ITGAE: variants seen among roughly 807,000 people sequenced by gnomAD.
ITGAE encodes the protein integrin alpha-E.
In ITGAE, 99 loss-of-function variants were observed where a neutral mutation model predicts 136.5. That is an observed-to-expected ratio of 0.73 (90% confidence interval 0.62 to 0.86). The LOEUF is 0.86. Among genes scored for constraint, ITGAE ranks in the 40% least tolerant of loss-of-function variants. The probability of loss-of-function intolerance (pLI) is 0.00; values close to 1 mark genes in which losing one functional copy is unlikely to be tolerated. For synonymous variants in ITGAE, 613 were observed against 591.8 expected (o/e 1.04, Z -0.52); for missense variants, 1,447 against 1,515.3 (o/e 0.95, Z 0.75).
rs569101162 is a variant in ITGAE, at chr17:3,728,368, CTTTTTTTT to C, written c.2913-208_2913-201del. ...CAGGCATGAGCCACTACACTCATCC[CTTTTTTTT>C]TTTTTTTTTTTTTTTGAGGTGGAGT... is the stretch of plus-strand genomic sequence containing the variant. On this transcript the variant is annotated intron_variant, in intron 24 of 30. Coordinates refer to ENST00000263087, the MANE Select transcript of ITGAE (RefSeq NM_002208.5). The C allele has an allele frequency of 5.6e-4, 107 of 191,598 alleles. No homozygotes were observed. In the East Asian group the frequency reaches 7.4e-3, roughly 13 times the overall value. 11.9% of individuals were successfully genotyped at this position (191,598 alleles called of 1,614,324 possible).
At chr17:3,728,394 G>A (rs963214016) in intron 24 of ITGAE, 23 of 300,362 alleles carry the variant, frequency 7.7e-5, no homozygotes, top group Non-Finnish European at 1.4e-4. Context: ...TTTTTTTTGA[G>A]GTGGAGTCTT....
chr17:3,736,636 G>C (rs1434100567), intron 20 of ITGAE, among the ~76,000 whole-genome samples: 1 of 152,212 alleles, frequency 6.6e-6, no homozygotes, highest in African/African-American at 2.4e-5. Context: ...CTGGGGATGT[G>C]TGAAAGGGTC....
At chr17:3,749,409 T>A (rs137899583) in intron 16 of ITGAE, among the ~76,000 whole-genome samples, 6 of 151,942 alleles carry the variant, frequency 3.9e-5, no homozygotes, top group African/African-American at 1.2e-4. Context: ...CCCGCCACCA[T>A]GCCCGGCTAA....
Position 3,762,995 on chromosome 17 carries a change from C to T in ITGAE, c.247+874G>A, listed in dbSNP as rs111775473. ...GTAACCTCCACCTCCTGGGTTCAAG[C>T]GATTCTTCTGCCTCAGCCTCCCAAA... is the stretch of plus-strand genomic sequence containing the variant. On this transcript the variant is annotated intron_variant, in intron 3 of 30. Transcript: ENST00000263087. Among the ~76,000 whole-genome samples, 1,294 of 151,788 alleles carry T rather than the reference C, an allele frequency of 8.5e-3. 14 individuals carry two copies. The highest frequency in any genetic ancestry group is 0.045 in the South Asian group (216 of 4,796).
At chr17:3,754,298 G>C (rs1408150117) in intron 12 of ITGAE, among the ~76,000 whole-genome samples, 1 of 152,080 alleles carries the variant, frequency 6.6e-6, no homozygotes, top group African/African-American at 2.4e-5. Context: ...TTGAGACAGA[G>C]TCTCAGTCTG....
At chr17:3,777,090 A>G (rs2052559993) in intron 2 of ITGAE, among the ~76,000 whole-genome samples, 2 of 151,582 alleles carry the variant, frequency 1.3e-5, no homozygotes, top group Admixed American at 1.3e-4. Context: ...CCTCCTGAGT[A>G]GCTGGGACTA....
chr17:3,750,280 A>G (rs1421762506), intron 16 of ITGAE, 72 bp downstream of exon 16: 4 of 1,577,824 alleles, frequency 2.5e-6, no homozygotes, highest in African/African-American at 1.3e-5. Context: ...TAATGTCTGC[A>G]TGGAGCTATT....
At chr17:3,731,932 C>T (rs1034721565) in intron 22 of ITGAE, among the ~76,000 whole-genome samples, 8 of 151,782 alleles carry the variant, frequency 5.3e-5, no homozygotes, top group African/African-American at 1.5e-4. Flanking sequence ...AAAAATTAGC[C>T]GGGTGTAGTG....
chr17:3,754,770 C>T (rs1249719353), intron 12 of ITGAE: 1 of 345,866 alleles, frequency 2.9e-6, no homozygotes, highest in Non-Finnish European at 5.5e-6. Flanking sequence ...ATCTCGGCCC[C>T]GCCCTCGCCC....
intron 12 of ITGAE, 36 bp from the exon 13 acceptor site, chr17:3,753,961 G>T: frequency 6.2e-7 from 1 of 1,602,934 alleles, no homozygotes; most frequent in Non-Finnish European, 8.5e-7. Flanking sequence ...AACACACCGT[G>T]TGCTCCCACC....
At chr17:3,722,479 TAAA>T (rs1161669258) in intron 28 of ITGAE, 10 of 106,864 alleles carry the variant, frequency 9.4e-5, no homozygotes, top group East Asian at 2.8e-4. Flanking sequence ...AGACTCCATC[TAAA>T]AAAAAAAAAA....
chr17:3,723,894 T>C (rs755409216), intron 26 of ITGAE, 150 bp from the exon 27 acceptor site: 2 of 1,527,316 alleles, frequency 1.3e-6, no homozygotes, highest in Non-Finnish European at 1.8e-6. Context: ...CGCACGGAAG[T>C]CTCGCGATGT....
At chr17:3,724,567 C>T in intron 26 of ITGAE, 1 of 1,614,186 alleles carries the variant, frequency 6.2e-7, no homozygotes, top group Non-Finnish European at 8.5e-7. Context: ...CCAGAAGTCT[C>T]CCTGGACCGA....
rs2051256042 is a variant in ITGAE, at chr17:3,728,087, A to G, written c.2976+18T>C. 5 of 1,607,030 alleles carry G rather than the reference A, an allele frequency of 3.1e-6. No homozygotes were observed. Among genetic ancestry groups the G allele is most frequent in the Non-Finnish European group, 4.3e-6 (5 of 1,173,420 alleles). Reference sequence around the variant, plus strand: ...GTATTGCTTTGCCATCTACAGCTTTACAATAATAAGTACTTACATGGAAGA... The same window carrying G: ...GTATTGCTTTGCCATCTACAGCTTTGCAATAATAAGTACTTACATGGAAGA... On this transcript the variant is annotated intron_variant, in intron 25 of 30. Transcript: ENST00000263087.
chr17:3,716,819 G>T, intron 29 of ITGAE, 21 bp from the exon 30 acceptor site: 2 of 1,347,558 alleles, frequency 1.5e-6, no homozygotes, highest in Non-Finnish European at 2.1e-6. Context: ...CAAAGAGATC[G>T]CCCAATAAAT....
intron 20 of ITGAE, 59 bp downstream of exon 20, chr17:3,739,746 C>A: frequency 6.9e-7 from 1 of 1,459,472 alleles, no homozygotes; most frequent in East Asian, 2.3e-5. Flanking sequence ...GAAGGAATTG[C>A]CCAGGCAAGC....
chr17:3,785,190 C>T (rs1283933845), intron 1 of ITGAE, among the ~76,000 whole-genome samples: 4 of 151,716 alleles, frequency 2.6e-5, no homozygotes, highest in Admixed American at 2.0e-4. Flanking sequence ...AAAAGATGGC[C>T]GGACATGGTG....
intron 20 of ITGAE, 150 bp from the exon 21 acceptor site, chr17:3,735,099 T>A: frequency 1.3e-6 from 1 of 783,776 alleles, no homozygotes; most frequent in Admixed American, 2.3e-5. Flanking sequence ...GTTCAAGTGA[T>A]CCTCCCACCT....
rs1264012366 is a variant in ITGAE at position 3,727,966 on chromosome 17, A to C, written c.3037T>G (p.Leu1013Val). ...ACTGCTACAACCTGGAGACCTCGTAATTTGGTTGGGACGCAAATTTGCAAC... is the reference window on the plus strand; with the variant it reads ...ACTGCTACAACCTGGAGACCTCGTACTTTGGTTGGGACGCAAATTTGCAAC... The part of the protein sequence containing the change: ...YQLQICVPTK[L>V]RGLQVVAVKK... The change falls in exon 26 of 31, where the codon TTA becomes GTA. Residue 1013 changes from leucine (L) to valine (V), a missense_variant. This residue lies in a region of ITGAE where 1,031 missense variants were observed against 1,011.4 expected (regional missense o/e 1.02). Coordinates refer to ENST00000263087, the MANE Select transcript of ITGAE (RefSeq NM_002208.5). 6.2e-7 allele frequency: 1 copy of C among 1,614,046 alleles called. No homozygotes were observed. Among genetic ancestry groups the C allele is most frequent in the Admixed American group, 1.7e-5 (1 of 59,998 alleles).
Sources: gnomAD v4.1 joint callset for allele counts (sites outside exome capture counted in the v4.1 genomes callset) on GRCh38, gnomAD v4.1.1 for gene constraint, gnomAD v4.1.1 regional missense constraint, MANE v1.5 for transcripts, NCBI Gene and HGNC (gene_info 2026-07-23, HGNC 2026-07-21) for gene names.